Variants in KCNQ2 observed in about 807,000 individuals in gnomAD.
KCNQ2 encodes the protein potassium voltage-gated channel subfamily KQT member 2.
A neutral mutation model predicts 84.8 loss-of-function variants in KCNQ2; 14 were observed. That is an observed-to-expected ratio of 0.17 (90% CI 0.11 to 0.26). The LOEUF is 0.26. KCNQ2 is among the 10% of genes least tolerant of loss of function. KCNQ2 has a pLI of 1.00. For missense variants in KCNQ2, 788 were observed against 1,254.0 expected, an observed-to-expected ratio of 0.63 and a Z score of 5.61; for synonymous variants, 599 against 554.1, an observed-to-expected ratio of 1.08 and a Z score of -1.14.
At chr20:63,454,333 GTTTTT>G (rs1466649526) in intron 1 of KCNQ2, among the ~76,000 whole-genome samples, 2 of 152,172 alleles carry the variant, frequency 1.3e-5, no homozygotes, top group Non-Finnish European at 2.9e-5. Flanking sequence ...TCCGACTTTT[GTTTTT>G]TAAGTTTTTG....
Position 63,438,869 on chromosome 20 carries a change from G to A in KCNQ2, c.928-149C>T. The A allele has an allele frequency of 1.5e-6, 1 of 657,092 alleles. No individual in the cohort carries two copies. Among genetic ancestry groups the A allele is most frequent in the Non-Finnish European group, 2.7e-6 (1 of 366,088 alleles). 40.7% of individuals were successfully genotyped at this position (657,092 alleles called of 1,614,324 possible). A position where few individuals can be genotyped will look rare whatever the true frequency, so the allele number is the denominator to read the frequency against. On this transcript the variant is annotated intron_variant, in intron 6 of 16. Transcript: ENST00000359125. This position sits in a 1 kb window ranked among gnomAD's most constrained non-coding sequence, Gnocchi z 5.1. ...ACTCACACACCCCCCAATTCATCAG[G>A]GTCAGACCACGCCCCAGGGACTCAC... is the stretch of plus-strand genomic sequence containing the variant.
chr20:63,431,567 T>C (rs1029619570), intron 8 of KCNQ2, among the ~76,000 whole-genome samples, 198 bp from the exon 9 acceptor site: 3 of 152,034 alleles, frequency 2.0e-5, no homozygotes, highest in Admixed American at 1.3e-4. Flanking sequence ...ATGGCCGACA[T>C]TCCCAGGAAA....
chr20:63,433,996 C>A, intron 7 of KCNQ2, 93 bp from the exon 8 acceptor site: 2 of 1,100,638 alleles, frequency 1.8e-6, no homozygotes, highest in East Asian at 2.4e-5. Flanking sequence ...GCAGAGGGGA[C>A]CCCCATGCTG....
In KCNQ2 at chr20:63,407,980, G is replaced by A; in HGVS notation, c.1887+433C>T. ...TGGCAGTTCCTTACTCACTGCTCAG[G>A]CCCGGCTCTCAGAAGCAGGCCCCAA... On this transcript the variant is annotated intron_variant, in intron 16 of 16. Transcript: ENST00000359125. This position sits in a 1 kb window ranked among gnomAD's most constrained non-coding sequence, Gnocchi z 7.2. The A allele has an allele frequency of 3.7e-6, 1 of 271,834 alleles. No individual in the cohort carries two copies. The highest frequency in any genetic ancestry group is 9.4e-5 in the East Asian group (1 of 10,682). The allele number at this position is 271,834 out of a possible 1,614,324, so 16.8% of individuals were successfully genotyped here.
chr20:63,432,718 T>TCAGGGAAGGCCCCACCCA (rs2080857837), intron 8 of KCNQ2, among the ~76,000 whole-genome samples: 1 of 79,270 alleles, frequency 1.3e-5, no homozygotes, highest in Admixed American at 1.1e-4. Context: ...GGCCCCACCC[T>TCAGGGAAGGCCCCACCCA]CAGGGAAGGC....
At chr20:63,454,487 G>A (rs115521381) in intron 1 of KCNQ2, among the ~76,000 whole-genome samples, 1,746 of 152,306 alleles carry the variant, frequency 0.011, 31 homozygotes, top group African/African-American at 0.04. Context: ...CAAAGATCCC[G>A]GTGCCTCGGC....
At chr20:63,433,941 G>A in intron 7 of KCNQ2, 38 bp from the exon 8 acceptor site, 1 of 1,586,142 alleles carries the variant, frequency 6.3e-7, no homozygotes, top group Non-Finnish European at 8.6e-7. Context: ...CGAGGGGCAG[G>A]CGGCGAGGGG....
chr20:63,469,278 C>T (rs2082152161), intron 1 of KCNQ2, among the ~76,000 whole-genome samples: 1 of 152,328 alleles, frequency 6.6e-6, no homozygotes, highest in Non-Finnish European at 1.5e-5. Flanking sequence ...GAGAGGTGGC[C>T]CAGCACCCCG....
intron 1 of KCNQ2, among the ~76,000 whole-genome samples, chr20:63,450,657 C>T (rs979425942): frequency 7.0e-6 from 1 of 143,366 alleles, no homozygotes; most frequent in Non-Finnish European, 1.5e-5. Flanking sequence ...GAGTGGCAGG[C>T]GCCCAGGTGA....
chr20:63,426,230 C>A (rs1044625341), intron 10 of KCNQ2, among the ~76,000 whole-genome samples: 1 of 152,244 alleles, frequency 6.6e-6, no homozygotes, highest in African/African-American at 2.4e-5. Context: ...CCTGAATATG[C>A]CACAGGCCGC....
chr20:63,421,611 G>A (rs914692191), intron 11 of KCNQ2, among the ~76,000 whole-genome samples: 2 of 152,298 alleles, frequency 1.3e-5, no homozygotes, highest in African/African-American at 2.4e-5. Context: ...GACACTGACC[G>A]AGACCCGACA....
rs2080247328 is a variant in KCNQ2, at chr20:63,415,125, G to A, written c.1303C>T (p.Gln435Ter). 6.3e-7 allele frequency: 1 copy of A among 1,584,574 alleles called. No homozygotes were observed. Among genetic ancestry groups the A allele is most frequent in the Admixed American group, 1.7e-5 (1 of 57,904 alleles). Residue 435 changes from glutamine to a stop codon, truncating the protein, a stop_gained and splice_region_variant, in exon 13 of 17, where the codon CAG (glutamine) becomes TAG (stop). Transcript: ENST00000359125. LOFTEE classifies it high-confidence loss of function. ...LCGCCPGRSSQKVSLKDRVFS... is the reference protein window; with the variant it reads ...LCGCCPGRSS ...ACACGATCTTTCAAACTGACCTTCT[G>A]GCTGCTCCCACGGGAACCGACAGAC...
intron 1 of KCNQ2, among the ~76,000 whole-genome samples, chr20:63,466,253 GCCCGGGCCCCGCGCTTCAACCCACGAC>G: frequency 6.6e-6 from 1 of 152,016 alleles, no homozygotes; most frequent in African/African-American, 2.4e-5. Context: ...CCACGCTCGA[GCCCGGGCCCCGCGCTTCAACCCACGAC>G]CCCCGCAGGC....
At chr20:63,427,540 C>T (rs1319980171) in intron 10 of KCNQ2, among the ~76,000 whole-genome samples, 9 of 152,236 alleles carry the variant, frequency 5.9e-5, no homozygotes, top group African/African-American at 1.7e-4. Flanking sequence ...AAGGTGCGGG[C>T]GGGGCCTGCT....
intron 7 of KCNQ2, chr20:63,437,387 C>G (rs2081039244): frequency 6.6e-6 from 1 of 152,182 alleles, no homozygotes; most frequent in South Asian, 2.1e-4. Context: ...CATTTTGGTT[C>G]TTCTTAAAAC....
At chr20:63,419,530 C>T in intron 12 of KCNQ2, 89 bp downstream of exon 12, 2 of 1,356,294 alleles carry the variant, frequency 1.5e-6, no homozygotes, top group East Asian at 4.9e-5. Flanking sequence ...CGCCAGCCTC[C>T]CCCTGGCTCC....
At chr20:63,409,790 A>G (rs1389540839) in intron 15 of KCNQ2, among the ~76,000 whole-genome samples, 2 of 139,658 alleles carry the variant, frequency 1.4e-5, no homozygotes, top group Non-Finnish European at 3.1e-5. Context: ...CCTGCCTCTG[A>G]TGGGGGCGGG....
At chr20:63,465,907 T>G (rs2062722399) in intron 1 of KCNQ2, among the ~76,000 whole-genome samples, 1 of 152,164 alleles carries the variant, frequency 6.6e-6, no homozygotes, top group Admixed American at 6.5e-5. Context: ...GCTGGGCGCG[T>G]GTCGGTGCTG....
At chr20:63,443,713 T>A (rs1214980070) in intron 4 of KCNQ2, 1 of 152,414 alleles carries the variant, frequency 6.6e-6, no homozygotes, top group Non-Finnish European at 1.5e-5. Context: ...ACCCGTCTCC[T>A]GAGGCCAGCA....
Sources: allele counts gnomAD v4.1 joint callset (sites outside exome capture counted in the v4.1 genomes callset), GRCh38; gene constraint gnomAD v4.1.1; non-coding constraint Gnocchi (gnomAD v3.1); transcripts MANE v1.5; gene names NCBI Gene and HGNC (gene_info 2026-07-23, HGNC 2026-07-21).